The following CDH12 variants were observed in gnomAD, a reference collection of about 807,000 sequenced individuals.
CDH12 encodes the protein cadherin-12.
In CDH12, 41 loss-of-function variants were observed where a neutral mutation model predicts 74.1. That is an observed-to-expected ratio of 0.55 (90% CI 0.43 to 0.72). The LOEUF (loss-of-function observed/expected upper bound fraction) is 0.72. Among genes scored for constraint, CDH12 ranks in the 30% least tolerant of loss-of-function variants. The pLI, the probability that CDH12 is intolerant of heterozygous loss-of-function variation, is 0.00. For missense variants in CDH12, 945 were observed against 977.2 expected, an observed-to-expected ratio of 0.97 and a Z score of 0.44; for synonymous variants, 399 against 355.0, an observed-to-expected ratio of 1.12 and a Z score of -1.39.
chr5:22,792,074 C>T (rs1747937272), intron 1 of CDH12, among the ~76,000 whole-genome samples: 1 of 147,744 alleles, frequency 6.8e-6, no homozygotes, highest in Non-Finnish European at 1.5e-5. Flanking sequence ...GAAAGGATAT[C>T]ATGAACTAGG....
rs759734847 is a variant in CDH12 at position 22,314,941 on chromosome 5, C to CTTTTTTTTTTTTTTTTTT, written c.-333+90298_-333+90315dup. On this transcript the variant is annotated intron_variant, in intron 3 of 14. Coordinates refer to ENST00000382254, the MANE Select transcript of CDH12 (RefSeq NM_004061.5). ...GAAAAGCAGAGGTCCCTGGGTTGGT[C>CTTTTTTTTTTTTTTTTTT]TTTTTTTTTTTTTTTTTTTTTTTTT... Among the ~76,000 whole-genome samples, 2 of 67,766 alleles carry CTTTTTTTTTTTTTTTTTT rather than the reference C, an allele frequency of 3.0e-5. 1 individual carries two copies. The highest frequency in any genetic ancestry group is 5.0e-5 in the Non-Finnish European group (2 of 40,180). 44.5% of individuals were successfully genotyped at this position (67,766 alleles called of 152,430 possible).
intron 1 of CDH12, among the ~76,000 whole-genome samples, chr5:22,520,659 T>C (rs1388177054): frequency 1.3e-5 from 2 of 152,150 alleles, no homozygotes; most frequent in Non-Finnish European, 2.9e-5. Flanking sequence ...ATTAAGTCTG[T>C]AGCTAATGAT....
At chr5:22,178,772 A>G (rs1432203844) in intron 4 of CDH12, among the ~76,000 whole-genome samples, 4 of 152,260 alleles carry the variant, frequency 2.6e-5, no homozygotes, top group Admixed American at 6.5e-5. Context: ...AAGAAAAGAT[A>G]TAATAGACAT....
chr5:22,827,159 C>G (rs911434274), intron 1 of CDH12, among the ~76,000 whole-genome samples: 1 of 152,146 alleles, frequency 6.6e-6, no homozygotes, highest in Non-Finnish European at 1.5e-5. Flanking sequence ...CCAGCCATGG[C>G]TGAAATGGGC....
intron 4 of CDH12, chr5:22,142,427 C>A (rs1746863833): frequency 5.2e-6 from 3 of 576,128 alleles, no homozygotes; most frequent in Non-Finnish European, 1.0e-5. Flanking sequence ...TGGTCTGTCA[C>A]TGAATCTGGT....
chr5:22,818,865 G>C (rs752148763), intron 1 of CDH12, among the ~76,000 whole-genome samples: 14 of 152,074 alleles, frequency 9.2e-5, no homozygotes, highest in Non-Finnish European at 1.6e-4. Context: ...CAGTAGTTAT[G>C]TATGCATACT....
At chr5:22,156,220 T>G (rs1748015154) in intron 4 of CDH12, among the ~76,000 whole-genome samples, 1 of 152,154 alleles carries the variant, frequency 6.6e-6, no homozygotes, top group Non-Finnish European at 1.5e-5. Context: ...CTAACCTTCT[T>G]CTGTCTGTAG....
intron 1 of CDH12, among the ~76,000 whole-genome samples, chr5:22,813,256 G>C (rs1397103662): frequency 1.3e-5 from 2 of 152,172 alleles, no homozygotes; most frequent in African/African-American, 4.8e-5. Context: ...TAGAGGTGTA[G>C]TATCTTGGAC....
chr5:22,264,483 T>G (rs956533943), intron 3 of CDH12, among the ~76,000 whole-genome samples: 1 of 152,150 alleles, frequency 6.6e-6, no homozygotes, highest in South Asian at 2.1e-4. Flanking sequence ...AACAGAGATA[T>G]CAGGTAAAGA....
intron 1 of CDH12, among the ~76,000 whole-genome samples, chr5:22,815,879 A>G (rs1296412574): frequency 6.6e-6 from 1 of 152,036 alleles, no homozygotes; most frequent in Non-Finnish European, 1.5e-5. Flanking sequence ...TACTTGAAAG[A>G]GAAAGAAGAA....
intron 1 of CDH12, among the ~76,000 whole-genome samples, chr5:22,658,485 C>G (rs935165151): frequency 6.6e-6 from 1 of 151,946 alleles, no homozygotes; most frequent in Non-Finnish European, 1.5e-5. Flanking sequence ...ATTTAAATTA[C>G]AAGTCTGACT....
At chr5:22,548,734 T>C (rs1019538566) in intron 1 of CDH12, among the ~76,000 whole-genome samples, 1 of 152,028 alleles carries the variant, frequency 6.6e-6, no homozygotes, top group Non-Finnish European at 1.5e-5. Context: ...ATCATTATCC[T>C]AGATAATTCC....
At chr5:22,619,778 C>T (rs142559893) in intron 1 of CDH12, among the ~76,000 whole-genome samples, 5 of 151,788 alleles carry the variant, frequency 3.3e-5, no homozygotes, top group African/African-American at 9.7e-5. Flanking sequence ...CTTCCCCCAG[C>T]GAATGTGTAC....
intron 2 of CDH12, among the ~76,000 whole-genome samples, chr5:22,443,061 C>A (rs1200406362): frequency 1.3e-5 from 2 of 152,134 alleles, no homozygotes; most frequent in Non-Finnish European, 2.9e-5. Flanking sequence ...TGGATTCCTG[C>A]ACTCTGTTGA....
At chr5:22,823,211 C>T (rs1052353560) in intron 1 of CDH12, among the ~76,000 whole-genome samples, 9 of 133,016 alleles carry the variant, frequency 6.8e-5, no homozygotes, top group East Asian at 2.2e-4. Flanking sequence ...GGAAGGGGAA[C>T]ATCACACTCC....
At chr5:22,831,497 G>C (rs1489292730) in intron 1 of CDH12, among the ~76,000 whole-genome samples, 1 of 151,834 alleles carries the variant, frequency 6.6e-6, no homozygotes. Flanking sequence ...CAAGTGAAGG[G>C]ATATGGCCAG....
intron 3 of CDH12, among the ~76,000 whole-genome samples, chr5:22,381,974 T>C (rs1741776062): frequency 6.7e-6 from 1 of 149,506 alleles, no homozygotes; most frequent in Non-Finnish European, 1.5e-5. Flanking sequence ...TATAACAATA[T>C]TCAAATTTAT....
chr5:21,882,759 C>T (rs2150034874), intron 6 of CDH12: 12 of 1,600,574 alleles, frequency 7.5e-6, no homozygotes, highest in Non-Finnish European at 1.0e-5. Flanking sequence ...TACAATGGAG[C>T]CAAAGGGAAG....
At chr5:22,215,808 T>G (rs1751783572) in intron 3 of CDH12, among the ~76,000 whole-genome samples, 1 of 152,136 alleles carries the variant, frequency 6.6e-6, no homozygotes, top group Non-Finnish European at 1.5e-5. Context: ...AATCCTATCA[T>G]TTCATATGGC....
Sources: gnomAD v4.1 joint callset for allele counts (sites outside exome capture counted in the v4.1 genomes callset) on GRCh38, gnomAD v4.1.1 for gene constraint, MANE v1.5 for transcripts, NCBI Gene and HGNC (gene_info 2026-07-23, HGNC 2026-07-21) for gene names.